ITGA2: variants seen among roughly 807,000 people sequenced by gnomAD.
ITGA2 encodes the protein integrin alpha-2.
Under a neutral mutation model 146.3 loss-of-function variants are expected in ITGA2, and 101 were observed. The ratio of observed to expected loss-of-function variants is 0.69; its 90% CI spans 0.59 to 0.81. The LOEUF is 0.81. Among genes scored for constraint, ITGA2 ranks in the 40% least tolerant of loss-of-function variants. The pLI, the probability that ITGA2 is intolerant of heterozygous loss-of-function variation, is 0.00. For missense variants in ITGA2, 1,281 were observed against 1,402.7 expected, an observed-to-expected ratio of 0.91 and a Z score of 1.39; for synonymous variants, 477 against 487.1, an observed-to-expected ratio of 0.98 and a Z score of 0.27.
intron 24 of ITGA2, among the ~76,000 whole-genome samples, chr5:53,079,923 A>G (rs143229578): frequency 1.3e-5 from 2 of 152,264 alleles, no homozygotes; most frequent in East Asian, 3.9e-4. Flanking sequence ...AGCCCTGGCC[A>G]ATTAGAACAG....
intron 28 of ITGA2, among the ~76,000 whole-genome samples, chr5:53,087,406 G>C (rs1353095784): frequency 6.6e-6 from 1 of 152,008 alleles, no homozygotes; most frequent in African/African-American, 2.4e-5. Flanking sequence ...TACACAAAAT[G>C]GTCTGGAGCT....
Position 53,090,595 on chromosome 5 carries a change from G to A in ITGA2, c.3542G>A (p.Ser1181Asn). 6.2e-7 allele frequency: 1 copy of A among 1,613,632 alleles called. No individual in the cohort carries two copies. The highest frequency in any genetic ancestry group is 1.1e-5 in the South Asian group (1 of 91,062). ...DEIDETTELS[S>N] ...ATTGATGAGACCACAGAGCTCAGTA[G>A]CTGAACCAGCAGACCTACCTGCAGT... The change falls in exon 30 of 30, where the codon AGC becomes AAC. Residue 1181 changes from serine (S) to asparagine (N), a missense_variant. Coordinates refer to ENST00000296585, the MANE Select transcript of ITGA2 (RefSeq NM_002203.4).
chr5:52,999,134 T>C (rs1385130382), intron 1 of ITGA2, among the ~76,000 whole-genome samples: 1 of 152,164 alleles, frequency 6.6e-6, no homozygotes, highest in African/African-American at 2.4e-5. Context: ...CTGTTCCCCT[T>C]TTCTGTTCTC....
At chr5:53,063,166 T>C (rs530003988) in intron 13 of ITGA2, among the ~76,000 whole-genome samples, 1 of 152,006 alleles carries the variant, frequency 6.6e-6, no homozygotes, top group East Asian at 1.9e-4. Context: ...TCTTTGAATA[T>C]ATAGTCTCTT....
chr5:53,077,296 G>T (rs79413733), intron 23 of ITGA2, among the ~76,000 whole-genome samples: 2 of 151,788 alleles, frequency 1.3e-5, no homozygotes, highest in Non-Finnish European at 2.9e-5. Flanking sequence ...AAACATCTTT[G>T]CAAACTTTTG....
chr5:53,026,632 G>GAACTCCATC, intron 1 of ITGA2, 116 bp from the exon 2 acceptor site: 1 of 923,032 alleles, frequency 1.1e-6, no homozygotes, highest in East Asian at 2.6e-5. Flanking sequence ...GGTAAACGTT[G>GAACTCCATC]ATAAGTAATA....
At chr5:53,031,864 G>A (rs920694573) in intron 2 of ITGA2, among the ~76,000 whole-genome samples, 4 of 152,228 alleles carry the variant, frequency 2.6e-5, no homozygotes, top group African/African-American at 7.2e-5. Context: ...CAATGTGGAT[G>A]ATGCAATTCT....
chr5:53,026,598 A>T (rs1742958723), intron 1 of ITGA2, 150 bp from the exon 2 acceptor site: 1 of 696,382 alleles, frequency 1.4e-6, no homozygotes, highest in Non-Finnish European at 2.5e-6. Context: ...ATAAGTACTT[A>T]AAAAGCAGTA....
intron 16 of ITGA2, 89 bp from the exon 17 acceptor site, chr5:53,070,020 C>A: frequency 9.3e-7 from 1 of 1,075,782 alleles, no homozygotes; most frequent in South Asian, 1.3e-5. Flanking sequence ...ATGTGAGATA[C>A]TTTGTCCAAG....
chr5:53,060,001 G>C lies in ITGA2; in HGVS notation c.1301G>C (p.Ser434Thr), dbSNP rs1744826205. 6.2e-7 allele frequency: 1 copy of C among 1,612,036 alleles called. No homozygotes were observed. Among genetic ancestry groups the C allele is most frequent in the Admixed American group, 1.7e-5 (1 of 59,798 alleles). ...FDQILQDRNH[S>T]SYLGYSVAAI... ...CAAATTCTGCAGGACAGAAATCACAGTTCATATTTAGGTAAGGCATGGTAA... is the reference window on the plus strand; with the variant it reads ...CAAATTCTGCAGGACAGAAATCACACTTCATATTTAGGTAAGGCATGGTAA... Residue 434 changes from serine to threonine, a missense_variant, in exon 11 of 30, where the codon AGT (serine) becomes ACT (threonine). By Grantham distance (58) the Ser-to-Thr change is moderately conservative (BLOSUM62 1). Around this residue, in one of 3 missense-constraint regions of ITGA2, gnomAD observed 795 missense variants for 841.7 expected, o/e 0.94. Transcript: ENST00000296585.
chr5:53,086,956 C>A lies in ITGA2; in HGVS notation c.3263C>A (p.Thr1088Lys). 1 of 1,612,238 alleles carries A rather than the reference C, an allele frequency of 6.2e-7. No homozygotes were observed. The highest frequency in any genetic ancestry group is 8.5e-7 in the Non-Finnish European group (1 of 1,178,376). Residue 1088 changes from threonine (T) to lysine (K), a missense_variant, in exon 28 of 30, where the codon ACG (threonine) becomes AAG (lysine). Transcript: ENST00000296585. ...TTCCTTATTCTTATGTTCCAGTCAA[C>A]GTTCCAGACAGTACAGCTAACGGCA... ...RIWNGTFASS[T>K]FQTVQLTAAA...
At chr5:52,996,056 G>C (rs1172645067) in intron 1 of ITGA2, among the ~76,000 whole-genome samples, 1 of 152,138 alleles carries the variant, frequency 6.6e-6, no homozygotes, top group Non-Finnish European at 1.5e-5. Context: ...AGAGAAATCA[G>C]AACAGAGCGG....
intron 23 of ITGA2, among the ~76,000 whole-genome samples, chr5:53,076,030 G>T (rs1579896738): frequency 6.6e-6 from 1 of 151,968 alleles, no homozygotes; most frequent in Non-Finnish European, 1.5e-5. Flanking sequence ...TGGTAAGTGG[G>T]TAACACACAA....
At chr5:53,090,190 G>T in intron 29 of ITGA2, 128 bp downstream of exon 29, 2 of 735,760 alleles carry the variant, frequency 2.7e-6, no homozygotes, top group African/African-American at 1.8e-5. Flanking sequence ...ATGCAAATTT[G>T]TTTATAATTT....
At chr5:53,084,789 A>T (rs2112035516) in intron 27 of ITGA2, among the ~76,000 whole-genome samples, 1 of 150,702 alleles carries the variant, frequency 6.6e-6, no homozygotes, top group Non-Finnish European at 1.5e-5. Flanking sequence ...AACTGGAAGG[A>T]ACACTGACTG....
At chr5:53,031,591 CTT>C (rs1382808294) in intron 2 of ITGA2, among the ~76,000 whole-genome samples, 1 of 152,248 alleles carries the variant, frequency 6.6e-6, no homozygotes, top group Non-Finnish European at 1.5e-5. Context: ...ACAAAATAAT[CTT>C]AACTCTTTTG....
In ITGA2 at chr5:53,072,614, T is replaced by C; in HGVS notation, c.2348T>C (p.Ile783Thr). 2 of 1,609,606 alleles carry C rather than the reference T, an allele frequency of 1.2e-6. No homozygotes were observed. The highest frequency in any genetic ancestry group is 1.1e-5 in the South Asian group (1 of 90,680). ...TGGATCTTTTTTCCTTTTTCGTAGATTCCTTTCCACAAAGACTGTGGTGAG... is the reference window on the plus strand; with the variant it reads ...TGGATCTTTTTTCCTTTTTCGTAGACTCCTTTCCACAAAGACTGTGGTGAG... ...AYSETAKVFS[I>T]PFHKDCGEDG... Residue 783 changes from isoleucine to threonine, a missense_variant and splice_region_variant, in exon 19 of 30, where the codon ATT becomes ACT. Coordinates refer to ENST00000296585, the MANE Select transcript of ITGA2 (RefSeq NM_002203.4).
At chr5:53,053,575 T>C (rs77925910) in intron 7 of ITGA2, among the ~76,000 whole-genome samples, 3,952 of 152,242 alleles carry the variant, frequency 0.026, 192 homozygotes, top group East Asian at 0.16. Flanking sequence ...TCCAGGACAA[T>C]GGCCACTGTC....
intron 1 of ITGA2, among the ~76,000 whole-genome samples, chr5:52,996,352 A>G (rs1741251555): frequency 6.6e-6 from 1 of 152,180 alleles, no homozygotes; most frequent in African/African-American, 2.4e-5. Context: ...TTTGATGACT[A>G]TACAAAGGAT....
Sources: allele counts gnomAD v4.1 joint callset (sites outside exome capture counted in the v4.1 genomes callset), GRCh38; gene constraint gnomAD v4.1.1; regional missense constraint gnomAD v4.1.1; transcripts MANE v1.5; gene names NCBI Gene and HGNC (gene_info 2026-07-23, HGNC 2026-07-21).